The following NCAM2 variants were observed in gnomAD, a reference collection of about 807,000 sequenced individuals.
NCAM2 encodes neural cell adhesion molecule 2, also known as N-CAM-2.
Under a neutral mutation model 98.1 loss-of-function variants are expected in NCAM2, and 30 were observed. That is an observed-to-expected ratio of 0.31 (90% CI 0.23 to 0.41). The LOEUF is 0.41. Among genes scored for constraint, NCAM2 ranks in the 10% least tolerant of loss-of-function variants. The pLI is 1.00. For synonymous variants in NCAM2, 368 were observed against 342.4 expected (o/e 1.07, Z -0.83); for missense variants, 867 against 1,005.8 (o/e 0.86, Z 1.87).
chr21:21,399,307 T>A (rs920149880), intron 9 of NCAM2, among the ~76,000 whole-genome samples: 1 of 152,226 alleles, frequency 6.6e-6, no homozygotes, highest in African/African-American at 2.4e-5. Flanking sequence ...ATGGAGTTAG[T>A]TATGACAGTT....
At chr21:21,058,281 C>T (rs1351297361) in intron 1 of NCAM2, among the ~76,000 whole-genome samples, 1 of 151,958 alleles carries the variant, frequency 6.6e-6, no homozygotes, top group Non-Finnish European at 1.5e-5. Flanking sequence ...TACTGGGACC[C>T]ACTTGCTATG....
intron 1 of NCAM2, among the ~76,000 whole-genome samples, chr21:21,182,010 T>G (rs1239368926): frequency 6.7e-6 from 1 of 148,948 alleles, no homozygotes; most frequent in Non-Finnish European, 1.5e-5. Context: ...CTGGGCAACA[T>G]GGTGAGACCA....
chr21:21,326,437 G>C (rs117849473), intron 6 of NCAM2, among the ~76,000 whole-genome samples: 2 of 152,254 alleles, frequency 1.3e-5, no homozygotes, highest in South Asian at 4.1e-4. Flanking sequence ...TTAGTTGTCT[G>C]CAGCACAACC....
chr21:21,173,806 T>C (rs532366916), intron 1 of NCAM2, among the ~76,000 whole-genome samples: 4 of 152,310 alleles, frequency 2.6e-5, no homozygotes, highest in East Asian at 1.9e-4. Context: ...AATGAGACCT[T>C]TGATGAAAAT....
In NCAM2 at chr21:21,444,957, G is replaced by A. The variant is rs142520609; in HGVS notation, c.1654+12676G>A. The stretch of plus-strand genomic sequence containing the variant: ...CGATTTGAGATCTTTCTAGCTTTCT[G>A]ATGTAGACAATTAGTGTTGTAAATT... On this transcript the variant is annotated intron_variant, in intron 12 of 17. Transcript: ENST00000400546. Among the ~76,000 whole-genome samples the A allele has an allele frequency of 9.3e-4, 141 of 152,100 alleles. 3 individuals are homozygous for A. The East Asian group carries it at 0.026, about 28-fold the overall frequency.
intron 1 of NCAM2, among the ~76,000 whole-genome samples, chr21:21,221,464 G>A (rs1314738191): frequency 4.2e-4 from 10 of 23,868 alleles, no homozygotes; most frequent in South Asian, 2.6e-3. Context: ...GGAGAGTTTT[G>A]GAGGAAACTA....
intron 14 of NCAM2, among the ~76,000 whole-genome samples, chr21:21,472,952 A>G (rs1984634471): frequency 6.9e-6 from 1 of 145,422 alleles, no homozygotes; most frequent in Non-Finnish European, 1.5e-5. Flanking sequence ...CCAAATGTAT[A>G]TATATACATA....
At chr21:21,335,472 T>A (rs575256002) in intron 6 of NCAM2, 33 bp from the exon 7 acceptor site, 1 of 1,554,886 alleles carries the variant, frequency 6.4e-7, no homozygotes, top group Non-Finnish European at 8.7e-7. Flanking sequence ...TAAAGCCAGA[T>A]CTGTGAGGAT....
intron 14 of NCAM2, among the ~76,000 whole-genome samples, chr21:21,472,431 G>A (rs562072059): frequency 6.6e-6 from 1 of 151,998 alleles, no homozygotes; most frequent in Admixed American, 6.6e-5. Context: ...GTATGTACAT[G>A]GAAATTTATT....
At chr21:21,297,892 C>T (rs2073550792) in intron 5 of NCAM2, among the ~76,000 whole-genome samples, 1 of 151,678 alleles carries the variant, frequency 6.6e-6, no homozygotes, top group Non-Finnish European at 1.5e-5. Context: ...TCACTAACTG[C>T]AGGTTCAAAT....
intron 1 of NCAM2, among the ~76,000 whole-genome samples, chr21:21,228,099 G>T (rs1464614330): frequency 2.0e-5 from 3 of 151,558 alleles, no homozygotes; most frequent in Admixed American, 6.6e-5. Context: ...AAAAGAACAG[G>T]AACCTAATGG....
intron 1 of NCAM2, among the ~76,000 whole-genome samples, chr21:21,197,965 C>A (rs1043141670): frequency 6.6e-6 from 1 of 152,126 alleles, no homozygotes; most frequent in Non-Finnish European, 1.5e-5. Flanking sequence ...GAGATATAAC[C>A]AGTGGTCTCC....
chr21:21,147,576 G>T (rs576545511), intron 1 of NCAM2, among the ~76,000 whole-genome samples: 73 of 150,834 alleles, frequency 4.8e-4, no homozygotes, highest in Non-Finnish European at 2.7e-4. Flanking sequence ...ATGACTCACT[G>T]CAGCCTCAGT....
At chr21:21,389,728 T>C (rs949309700) in intron 9 of NCAM2, among the ~76,000 whole-genome samples, 1 of 152,214 alleles carries the variant, frequency 6.6e-6, no homozygotes, top group Non-Finnish European at 1.5e-5. Context: ...GTTTCGTCTA[T>C]ATTGCTGCAA....
intron 9 of NCAM2, among the ~76,000 whole-genome samples, chr21:21,399,469 G>A (rs2076582575): frequency 6.6e-6 from 1 of 152,180 alleles, no homozygotes; most frequent in African/African-American, 2.4e-5. Context: ...ACTCTAGTAT[G>A]TGAATGCTTT....
rs867124534 is a variant in NCAM2 at position 21,385,264 on chromosome 21, G to A, written c.1195+11251G>A. ...TGAAAGGCCACAAAAAGCTATTGTC[G>A]TAATTAAATATTTACCTATTAATAA... On this transcript the variant is annotated intron_variant, in intron 9 of 17. Coordinates refer to ENST00000400546, the MANE Select transcript of NCAM2 (RefSeq NM_004540.5). Among the ~76,000 whole-genome samples, 7 of 151,680 alleles carry A rather than the reference G, an allele frequency of 4.6e-5. No individual in the cohort carries two copies. In the South Asian group the frequency reaches 6.2e-4, roughly 14 times the overall value.
chr21:21,426,369 G>C (rs1213227162), intron 11 of NCAM2, among the ~76,000 whole-genome samples: 1 of 152,074 alleles, frequency 6.6e-6, no homozygotes, highest in Non-Finnish European at 1.5e-5. Context: ...AGGAAATTCA[G>C]TTACTTATGT....
intron 1 of NCAM2, among the ~76,000 whole-genome samples, chr21:21,049,612 C>G (rs538615699): frequency 1.3e-5 from 2 of 151,980 alleles, no homozygotes; most frequent in Admixed American, 6.5e-5. Flanking sequence ...GGGCTCACAC[C>G]TATAATCCCA....
At chr21:21,505,403 C>T (rs566228009) in intron 15 of NCAM2, among the ~76,000 whole-genome samples, 8 of 152,156 alleles carry the variant, frequency 5.3e-5, no homozygotes, top group Non-Finnish European at 1.2e-4. Flanking sequence ...ACCTCAAACT[C>T]TAAACCACCA....
Sources: gnomAD v4.1 joint callset for allele counts (sites outside exome capture counted in the v4.1 genomes callset) on GRCh38, gnomAD v4.1.1 for gene constraint, MANE v1.5 for transcripts, NCBI Gene and HGNC (gene_info 2026-07-23, HGNC 2026-07-21) for gene names.